Variants in FOXP2 observed in about 807,000 individuals in gnomAD.
FOXP2 encodes the protein forkhead box protein P2.
A neutral mutation model predicts 115.8 loss-of-function variants in FOXP2; 12 were observed. The ratio of observed to expected loss-of-function variants is 0.10; its 90% confidence interval spans 0.07 to 0.17. The LOEUF (loss-of-function observed/expected upper bound fraction) is 0.17, where lower values mean the gene tolerates loss of function less well. Ranked by LOEUF, FOXP2 falls within the 10% of genes least tolerant of loss-of-function variation. FOXP2 has a pLI of 1.00. For synonymous variants in FOXP2, 328 were observed against 297.7 expected (o/e 1.10, Z -1.05); for missense variants, 629 against 843.5 (o/e 0.75, Z 3.15).
At position 114,267,098 on chromosome 7, in the gene FOXP2, A is replaced by G. The variant is rs569574548; in HGVS notation, c.-101-20921A>G. 5.3e-4 allele frequency among the ~76,000 whole-genome samples: 80 copies of G among 152,314 alleles called. 1 individual carries two copies. In the South Asian group the frequency reaches 0.016, roughly 31 times the overall value. The stretch of plus-strand genomic sequence containing the variant: ...TAGAGAAGAAGTTATTCTTAAAATG[A>G]AAATTCTGCATGCGCCAAATCCTAT... On this transcript the variant is annotated intron_variant, in intron 1 of 17. Coordinates refer to the FOXP2 transcript ENST00000634411.
intron 2 of FOXP2, among the ~76,000 whole-genome samples, chr7:114,475,046 C>T (rs1217790000): frequency 6.6e-6 from 1 of 152,044 alleles, no homozygotes; most frequent in Non-Finnish European, 1.5e-5. Flanking sequence ...TCTGAAATCT[C>T]ATACAGACCA....
At position 114,639,528 on chromosome 7, in the gene FOXP2, T is replaced by TA. The variant is rs1021761231; in HGVS notation, c.776-2873dup. Among the ~76,000 whole-genome samples the TA allele has an allele frequency of 8.9e-5, 9 of 101,104 alleles. No individual in the cohort carries two copies. In the East Asian group the frequency reaches 9.5e-4, roughly 11 times the overall value. 66.3% of individuals were successfully genotyped at this position (101,104 alleles called of 152,430 possible). On this transcript the variant is annotated intron_variant, in intron 6 of 16. Coordinates refer to ENST00000350908, the MANE Select transcript of FOXP2 (RefSeq NM_014491.4). Reference sequence around the variant, plus strand: ...GGTTTCAGAAACTGTTACATGATTTTAAAAAAAAAGCTGGATGAGGAGTTA... The same window carrying TA: ...GGTTTCAGAAACTGTTACATGATTTTAAAAAAAAAAGCTGGATGAGGAGTTA...
chr7:114,682,286 A>G (rs2129350712), intron 16 of FOXP2, among the ~76,000 whole-genome samples: 1 of 152,262 alleles, frequency 6.6e-6, no homozygotes, highest in South Asian at 2.1e-4. Context: ...ATTATAAATG[A>G]GGTGCCTAAA....
At chr7:114,454,587 T>C (rs1347422503) in intron 2 of FOXP2, among the ~76,000 whole-genome samples, 28 of 144,186 alleles carry the variant, frequency 1.9e-4, no homozygotes, top group African/African-American at 7.1e-4. Flanking sequence ...TATTGCGGCA[T>C]TATTCACAAT....
chr7:114,290,201 A>G (rs899372037), intron 2 of FOXP2, among the ~76,000 whole-genome samples: 1 of 151,778 alleles, frequency 6.6e-6, no homozygotes, highest in East Asian at 1.9e-4. Flanking sequence ...CAAACCTCCT[A>G]TTTTCAAACA....
intron 1 of FOXP2, among the ~76,000 whole-genome samples, chr7:114,175,118 A>AT (rs201875876): frequency 0.035 from 5,242 of 150,520 alleles, 137 homozygotes; most frequent in Non-Finnish European, 0.054. Flanking sequence ...ATTTTAAGTG[A>AT]TTTTTTTTTT....
chr7:114,344,094 T>A (rs1791281637), intron 2 of FOXP2, among the ~76,000 whole-genome samples: 1 of 151,618 alleles, frequency 6.6e-6, no homozygotes, highest in African/African-American at 2.4e-5. Context: ...ATATAATTCT[T>A]GGTCAATATT....
intron 2 of FOXP2, among the ~76,000 whole-genome samples, chr7:114,492,190 T>C (rs1178365660): frequency 3.3e-5 from 5 of 152,208 alleles, no homozygotes; most frequent in African/African-American, 4.8e-5. Context: ...TTTTCTAGTT[T>C]ATTTGCGTAG....
chr7:114,426,444 G>T, intron 1 of FOXP2, 58 bp from the exon 2 acceptor site: 1 of 1,523,752 alleles, frequency 6.6e-7, no homozygotes, highest in Non-Finnish European at 9.1e-7. Context: ...GGGACATCTT[G>T]ATAATGGAAG....
chr7:114,496,267 A>G (rs558901795), intron 2 of FOXP2, among the ~76,000 whole-genome samples: 1 of 152,306 alleles, frequency 6.6e-6, no homozygotes, highest in East Asian at 1.9e-4. Context: ...TAAATTTGGC[A>G]GAATTTACTA....
chr7:114,331,728 C>T (rs1394370230), intron 2 of FOXP2, among the ~76,000 whole-genome samples: 3 of 151,128 alleles, frequency 2.0e-5, no homozygotes, highest in African/African-American at 4.9e-5. Context: ...TGTGCAGTGG[C>T]CCGATCTTGG....
chr7:114,603,196 G>T (rs879511175), intron 3 of FOXP2, among the ~76,000 whole-genome samples: 4 of 152,124 alleles, frequency 2.6e-5, no homozygotes, highest in Non-Finnish European at 5.9e-5. Context: ...AGGCTCAGGT[G>T]CAAAGACATC....
At chr7:114,110,655 T>C (rs1333726491) in intron 1 of FOXP2, among the ~76,000 whole-genome samples, 3 of 152,154 alleles carry the variant, frequency 2.0e-5, no homozygotes, top group Non-Finnish European at 4.4e-5. Flanking sequence ...TTGGACACTT[T>C]TGGACATTTC....
intron 3 of FOXP2, among the ~76,000 whole-genome samples, chr7:114,607,074 G>T (rs1004686323): frequency 1.3e-5 from 2 of 152,130 alleles, no homozygotes; most frequent in Non-Finnish European, 2.9e-5. Context: ...GAAAGGAGGA[G>T]AATAGGGATT....
At chr7:114,122,637 G>A (rs1244109214) in intron 1 of FOXP2, among the ~76,000 whole-genome samples, 1 of 151,876 alleles carries the variant, frequency 6.6e-6, no homozygotes, top group Admixed American at 6.6e-5. Flanking sequence ...GTCAGGTATT[G>A]CACATGAAAG....
upstream of FOXP2, among the ~76,000 whole-genome samples, chr7:114,159,433 T>C (rs572060912): frequency 6.6e-6 from 1 of 151,636 alleles, no homozygotes; most frequent in East Asian, 1.9e-4. Flanking sequence ...AAGAATGGAA[T>C]CTCTTTCATT....
chr7:114,666,466 A>G (rs1270261036), intron 16 of FOXP2: 1 of 152,138 alleles, frequency 6.6e-6, no homozygotes, highest in Non-Finnish European at 1.5e-5. Context: ...TTGTACTTAA[A>G]CCATGTTATG....
At chr7:114,299,993 A>G (rs2129178139) in intron 2 of FOXP2, among the ~76,000 whole-genome samples, 1 of 152,078 alleles carries the variant, frequency 6.6e-6, no homozygotes, top group Non-Finnish European at 1.5e-5. Context: ...TCTTACAGGA[A>G]GGCTTATTCC....
intron 1 of FOXP2, among the ~76,000 whole-genome samples, chr7:114,203,366 T>C (rs1794121408): frequency 6.6e-6 from 1 of 152,184 alleles, no homozygotes; most frequent in African/African-American, 2.4e-5. Context: ...AGAATCTCAC[T>C]CTGTAGCCCA....
Sources: gnomAD v4.1 joint callset for allele counts (sites outside exome capture counted in the v4.1 genomes callset) on GRCh38, gnomAD v4.1.1 for gene constraint, MANE v1.5 for transcripts, NCBI Gene and HGNC (gene_info 2026-07-23, HGNC 2026-07-21) for gene names.